The following SEL1L variants were observed in gnomAD, a reference collection of about 807,000 sequenced individuals.
SEL1L encodes SEL1L adaptor subunit of SYVN1 ubiquitin ligase, also known as protein sel-1 homolog 1.
A neutral mutation model predicts 109.8 loss-of-function variants in SEL1L; 52 were observed. The observed-to-expected ratio is 0.47, with a 90% CI of 0.38 to 0.60. The LOEUF (loss-of-function observed/expected upper bound fraction) is 0.60. Among genes scored for constraint, SEL1L ranks in the 20% least tolerant of loss-of-function variants. The pLI is 0.00. For missense variants in SEL1L, 749 were observed against 962.2 expected, an observed-to-expected ratio of 0.78 and a Z score of 2.93; for synonymous variants, 373 against 339.6, an observed-to-expected ratio of 1.10 and a Z score of -1.08.
At chr14:81,492,448 A>T (rs1035425176) in intron 12 of SEL1L, 32 bp downstream of exon 12, 2 of 1,478,216 alleles carry the variant, frequency 1.4e-6, no homozygotes, top group African/African-American at 2.8e-5. Flanking sequence ...ACCTCTTGCT[A>T]TTACATAAAA....
chr14:81,501,791 A>G (rs1213059501), intron 6 of SEL1L, among the ~76,000 whole-genome samples: 2 of 152,162 alleles, frequency 1.3e-5, no homozygotes, highest in Non-Finnish European at 2.9e-5. Flanking sequence ...GATGTGATAC[A>G]ATGTAGAATA....
chr14:81,533,587 C>G (rs1885419006), intron 1 of SEL1L, 88 bp downstream of exon 1: 1 of 1,300,394 alleles, frequency 7.7e-7, no homozygotes, highest in Non-Finnish European at 1.1e-6. Flanking sequence ...GAACGGGGTC[C>G]CGAGCCTGGA....
At chr14:81,518,649 AG>A (rs1884794361) in intron 3 of SEL1L, among the ~76,000 whole-genome samples, 1 of 141,036 alleles carries the variant, frequency 7.1e-6, no homozygotes, top group African/African-American at 2.8e-5. Context: ...GACAAGAGCG[AG>A]ACTTCGTCTA....
chr14:81,508,461 G>A (rs1884330443), intron 3 of SEL1L, among the ~76,000 whole-genome samples: 1 of 152,008 alleles, frequency 6.6e-6, no homozygotes, highest in African/African-American at 2.4e-5. Context: ...GACAGTGTCT[G>A]AGAGCCAGGC....
chr14:81,533,074 C>G (rs1448990351), intron 1 of SEL1L, among the ~76,000 whole-genome samples: 5 of 152,218 alleles, frequency 3.3e-5, no homozygotes, highest in African/African-American at 1.2e-4. Flanking sequence ...CATAAAATGA[C>G]TGTCAACAAA....
At chr14:81,514,612 G>C (rs1884624193) in intron 3 of SEL1L, among the ~76,000 whole-genome samples, 1 of 152,182 alleles carries the variant, frequency 6.6e-6, no homozygotes, top group Admixed American at 6.5e-5. Context: ...GAAAACTAGT[G>C]TTTCTGCTGC....
intron 5 of SEL1L, 64 bp from the exon 6 acceptor site, chr14:81,502,947 G>A: frequency 7.4e-7 from 1 of 1,344,196 alleles, no homozygotes; most frequent in Non-Finnish European, 1.0e-6. Flanking sequence ...AAGTTTTTTT[G>A]ATCTACTAAA....
intron 19 of SEL1L, among the ~76,000 whole-genome samples, 184 bp downstream of exon 19, chr14:81,484,041 G>GT (rs2139988702): frequency 6.6e-6 from 1 of 152,340 alleles, no homozygotes; most frequent in South Asian, 2.1e-4. Context: ...GTGGATAGCA[G>GT]TATCTGTGCG....
At chr14:81,483,135 G>A (rs768163111) in intron 19 of SEL1L, among the ~76,000 whole-genome samples, 12 of 152,180 alleles carry the variant, frequency 7.9e-5, no homozygotes, top group Non-Finnish European at 1.2e-4. Flanking sequence ...GAAGAATTAA[G>A]TGACCATGCT....
At chr14:81,509,253 T>C (rs1343975667) in intron 3 of SEL1L, among the ~76,000 whole-genome samples, 3 of 152,194 alleles carry the variant, frequency 2.0e-5, no homozygotes, top group African/African-American at 7.2e-5. Context: ...TATGGAGAAA[T>C]CCTGCAATAA....
chr14:81,532,854 T>C (rs112804440), intron 1 of SEL1L, among the ~76,000 whole-genome samples: 2,015 of 152,308 alleles, frequency 0.013, 26 homozygotes, highest in Middle Eastern at 0.02. Context: ...ACTGTACTAA[T>C]TTTTATTTAT....
intron 3 of SEL1L, among the ~76,000 whole-genome samples, chr14:81,511,056 A>G (rs559155930): frequency 6.3e-4 from 96 of 152,360 alleles, no homozygotes; most frequent in Admixed American, 1.1e-3. Flanking sequence ...TGCTATAGTA[A>G]TATTTTGGGG....
chr14:81,500,775 G>A (rs1463090128), intron 6 of SEL1L, among the ~76,000 whole-genome samples: 2 of 152,114 alleles, frequency 1.3e-5, no homozygotes, highest in Non-Finnish European at 2.9e-5. Flanking sequence ...GGAGGAGCAA[G>A]GGGTCAAGCT....
chr14:81,527,807 C>A, intron 1 of SEL1L, 69 bp from the exon 2 acceptor site: 1 of 1,066,792 alleles, frequency 9.4e-7, no homozygotes, highest in Non-Finnish European at 1.4e-6. Flanking sequence ...TAAAAGAAAA[C>A]ATGTGAAAAG....
rs1052339601 is a variant in SEL1L, at chr14:81,523,517, T to C, written c.340+3216A>G. On this transcript the variant is annotated intron_variant, in intron 3 of 20. Coordinates refer to ENST00000336735, the MANE Select transcript of SEL1L (RefSeq NM_005065.6). ...TTTGTAATATCCTTTATAATAAATG[T>C]AAATTTATATTTACATTTACCCATT... 2.6e-5 allele frequency among the ~76,000 whole-genome samples: 4 copies of C among 152,186 alleles called. 1 individual carries two copies. The highest frequency in any genetic ancestry group is 9.7e-5 in the African/African-American group (4 of 41,430).
At chr14:81,485,465 T>C (rs575105790) in intron 18 of SEL1L, among the ~76,000 whole-genome samples, 4 of 151,508 alleles carry the variant, frequency 2.6e-5, no homozygotes, top group African/African-American at 9.7e-5. Context: ...TTTTTTTTTT[T>C]AGTAGAGACA....
Position 81,528,161 on chromosome 14 carries a change from T to C in SEL1L, c.71-423A>G, listed in dbSNP as rs1048631694. ...CTGTTTGTCTGCTCAGGATCTTGAG[T>C]TAGAGTAGCCCATTTTAGTGCTCAT... On this transcript the variant is annotated intron_variant, in intron 1 of 20. Transcript: ENST00000336735. Among the ~76,000 whole-genome samples the C allele has an allele frequency of 2.0e-5, 3 of 152,198 alleles. No individual in the cohort carries two copies. The East Asian group carries it at 5.8e-4, about 29-fold the overall frequency.
intron 20 of SEL1L, among the ~76,000 whole-genome samples, chr14:81,477,452 C>T (rs955448758): frequency 3.3e-5 from 5 of 151,974 alleles, no homozygotes; most frequent in Admixed American, 6.6e-5. Context: ...GTTCTTTCCA[C>T]CAGTAATCCA....
intron 15 of SEL1L, 23 bp downstream of exon 15, chr14:81,487,832 T>A (rs769074892): frequency 6.2e-7 from 1 of 1,611,910 alleles, no homozygotes; most frequent in Middle Eastern, 1.7e-4. Context: ...GGTGTATCCA[T>A]CATTAATTCC....
Sources: gnomAD v4.1 joint callset for allele counts (sites outside exome capture counted in the v4.1 genomes callset) on GRCh38, gnomAD v4.1.1 for gene constraint, MANE v1.5 for transcripts, NCBI Gene and HGNC (gene_info 2026-07-23, HGNC 2026-07-21) for gene names.